CREB5: variants seen among roughly 807,000 people sequenced by gnomAD.
CREB5 encodes the protein cyclic AMP-responsive element-binding protein 5.
A neutral mutation model predicts 57.1 loss-of-function variants in CREB5; 19 were observed. That is an observed-to-expected ratio of 0.33 (90% CI 0.23 to 0.49). The LOEUF (loss-of-function observed/expected upper bound fraction) is 0.49, where lower values mean the gene tolerates loss of function less well. Ranked by LOEUF, CREB5 falls within the 20% of genes least tolerant of loss-of-function variation. CREB5 has a pLI of 0.99. For synonymous variants in CREB5, 238 were observed against 238.3 expected (o/e 1.00, Z 0.01); for missense variants, 579 against 671.6 (o/e 0.86, Z 1.52).
At chr7:28,564,433 G>A (rs1178679995) in intron 4 of CREB5, among the ~76,000 whole-genome samples, 2 of 152,158 alleles carry the variant, frequency 1.3e-5, no homozygotes, top group South Asian at 2.1e-4. Flanking sequence ...TAAAAACACG[G>A]ATGTATGTTT....
chr7:28,773,923 G>A (rs1806477812), intron 7 of CREB5, among the ~76,000 whole-genome samples: 1 of 152,150 alleles, frequency 6.6e-6, no homozygotes, highest in African/African-American at 2.4e-5. Context: ...GCTTTACAAT[G>A]TCGAGGTGGA....
At chr7:28,729,609 A>T (rs868339561) in intron 7 of CREB5, among the ~76,000 whole-genome samples, 2 of 152,242 alleles carry the variant, frequency 1.3e-5, no homozygotes, top group African/African-American at 4.8e-5. Context: ...GCTTATACAC[A>T]TGAAAAGACA....
intron 5 of CREB5, among the ~76,000 whole-genome samples, chr7:28,577,711 C>T (rs561180950): frequency 1.3e-5 from 2 of 152,254 alleles, no homozygotes; most frequent in South Asian, 2.1e-4. Context: ...AGTTTTTTCA[C>T]CTTTAAAATT....
At chr7:28,653,727 G>A (rs1179215156) in intron 5 of CREB5, among the ~76,000 whole-genome samples, 1 of 152,202 alleles carries the variant, frequency 6.6e-6, no homozygotes, top group Non-Finnish European at 1.5e-5. Flanking sequence ...CAGCTCCCTG[G>A]GGGAAGAGCT....
intron 7 of CREB5, among the ~76,000 whole-genome samples, chr7:28,780,942 A>T (rs1203062706): frequency 1.3e-5 from 2 of 152,240 alleles, no homozygotes; most frequent in Non-Finnish European, 2.9e-5. Flanking sequence ...TAGCCAAAAT[A>T]GGGCTAAGTT....
rs199823251 is a variant in CREB5, at chr7:28,464,709, T to TA, written c.4-23466_4-23465insA. The stretch of plus-strand genomic sequence containing the variant: ...CATCTACTTTTGTTTCAAGTTATTT[T>TA]TAAAAAAAAAAAAAAGACTGCTAAA... On this transcript the variant is annotated intron_variant, in intron 1 of 10. Transcript: ENST00000357727. Among the ~76,000 whole-genome samples the TA allele has an allele frequency of 7.7e-4, 116 of 150,110 alleles. No individual in the cohort carries two copies. In the Middle Eastern group the frequency reaches 0.01, roughly 13 times the overall value.
At chr7:28,767,042 A>C (rs1806043031) in intron 7 of CREB5, among the ~76,000 whole-genome samples, 1 of 152,212 alleles carries the variant, frequency 6.6e-6, no homozygotes, top group South Asian at 2.1e-4. Context: ...CTTTGTTTTA[A>C]CAAAGAGTAA....
intron 1 of CREB5, among the ~76,000 whole-genome samples, chr7:28,420,117 T>C (rs1289594567): frequency 6.9e-6 from 1 of 145,580 alleles, no homozygotes; most frequent in Non-Finnish European, 1.5e-5. Context: ...TTTTTTTTCA[T>C]ATGCTTTGGA....
rs1286369572 is a variant in CREB5, at chr7:28,658,949, G to GTGTGTATATATATATATATATATATA, written c.465-59802_465-59777dup. On this transcript the variant is annotated intron_variant, in intron 5 of 10. Transcript: ENST00000357727. ...ATTGCACTAAATATTATATGTGTGT[G>GTGTGTATATATATATATATATATATA]TGTGTATATATATATATATATATAT... Among the ~76,000 whole-genome samples, 70 of 46,776 alleles carry GTGTGTATATATATATATATATATATA rather than the reference G, an allele frequency of 1.5e-3. 1 individual carries two copies. Among genetic ancestry groups the GTGTGTATATATATATATATATATATA allele is most frequent in the East Asian group, 4.0e-3 (4 of 988 alleles). The allele number at this position is 46,776 out of a possible 152,430, so 30.7% of individuals were successfully genotyped here.
intron 5 of CREB5, among the ~76,000 whole-genome samples, chr7:28,590,664 A>T (rs1171310168): frequency 7.8e-6 from 1 of 127,550 alleles, no homozygotes; most frequent in African/African-American, 3.2e-5. Context: ...GTACCCTGGA[A>T]CTTAAAGTAT....
intron 1 of CREB5, among the ~76,000 whole-genome samples, chr7:28,422,099 A>T (rs995135808): frequency 4.6e-5 from 7 of 152,020 alleles, no homozygotes; most frequent in Non-Finnish European, 8.8e-5. Flanking sequence ...CACAGGGGGA[A>T]TGGTGGAGGA....
chr7:28,718,060 A>C (rs1802802465), intron 5 of CREB5, among the ~76,000 whole-genome samples: 1 of 152,216 alleles, frequency 6.6e-6, no homozygotes, highest in East Asian at 1.9e-4. Flanking sequence ...TGCTTACCCA[A>C]GTCTTGTAGG....
At chr7:28,625,584 G>T (rs927363562) in intron 5 of CREB5, among the ~76,000 whole-genome samples, 3 of 152,172 alleles carry the variant, frequency 2.0e-5, no homozygotes, top group Non-Finnish European at 4.4e-5. Context: ...GTGGTCACTG[G>T]TCATGCATTT....
chr7:28,488,770 G>A (rs1047071385), intron 2 of CREB5, among the ~76,000 whole-genome samples: 1 of 152,232 alleles, frequency 6.6e-6, no homozygotes, highest in Non-Finnish European at 1.5e-5. Flanking sequence ...TTGTCCTGCT[G>A]TGTTGGATTA....
intron 5 of CREB5, among the ~76,000 whole-genome samples, chr7:28,655,274 A>G (rs777527140): frequency 6.6e-6 from 1 of 152,034 alleles, no homozygotes; most frequent in Non-Finnish European, 1.5e-5. Flanking sequence ...TACTCTTTAA[A>G]CGTTTTTGCC....
At chr7:28,496,083 C>T (rs186489372) in intron 3 of CREB5, among the ~76,000 whole-genome samples, 326 of 152,172 alleles carry the variant, frequency 2.1e-3, no homozygotes, top group Non-Finnish European at 2.7e-3. Flanking sequence ...TTTCTTTTCC[C>T]AAAAAATGGG....
intron 5 of CREB5, among the ~76,000 whole-genome samples, chr7:28,652,385 A>G (rs1289970728): frequency 6.6e-6 from 1 of 152,246 alleles, no homozygotes; most frequent in East Asian, 1.9e-4. Context: ...CTAGTAACCT[A>G]AACTTTTAAT....
At chr7:28,556,102 T>C (rs1180195188) in intron 4 of CREB5, among the ~76,000 whole-genome samples, 1 of 152,202 alleles carries the variant, frequency 6.6e-6, no homozygotes, top group Non-Finnish European at 1.5e-5. Context: ...ATATCCTGGC[T>C]GTCTTAGGTA....
intron 7 of CREB5, among the ~76,000 whole-genome samples, chr7:28,727,930 C>T (rs2128750539): frequency 6.6e-6 from 1 of 151,172 alleles, no homozygotes; most frequent in East Asian, 1.9e-4. Flanking sequence ...GATATTGTCC[C>T]TGTTTGTTTG....
Sources: allele counts gnomAD v4.1 joint callset (sites outside exome capture counted in the v4.1 genomes callset), GRCh38; gene constraint gnomAD v4.1.1; transcripts MANE v1.5; gene names NCBI Gene and HGNC (gene_info 2026-07-23, HGNC 2026-07-21).